The following PTPN4 variants were observed in gnomAD, a reference collection of about 807,000 sequenced individuals.
PTPN4 encodes the protein tyrosine-protein phosphatase non-receptor type 4.
Under a neutral mutation model 135.5 loss-of-function variants are expected in PTPN4, and 49 were observed. The ratio of observed to expected loss-of-function variants is 0.36; its 90% CI spans 0.29 to 0.46. PTPN4 has a LOEUF of 0.46. PTPN4 is among the 20% of genes least tolerant of loss of function. The probability of loss-of-function intolerance (pLI) is 1.00; values close to 1 mark genes in which losing one functional copy is unlikely to be tolerated. For synonymous variants in PTPN4, 333 were observed against 369.9 expected, an observed-to-expected ratio of 0.90 and a Z score of 1.14; for missense variants, 860 against 1,101.0, an observed-to-expected ratio of 0.78 and a Z score of 3.10.
intron 14 of PTPN4, among the ~76,000 whole-genome samples, chr2:119,933,881 A>G (rs4533476): frequency 0.73 from 111,417 of 151,984 alleles, 40,903 homozygotes; most frequent in East Asian, 0.83. Context: ...ATAAATGATT[A>G]CATATATTCA....
intron 1 of PTPN4, among the ~76,000 whole-genome samples, chr2:119,767,460 A>G (rs559957989): frequency 1.5e-4 from 23 of 152,356 alleles, no homozygotes; most frequent in Admixed American, 4.6e-4. Context: ...CAGGAAATCA[A>G]CGTTGATATA....
intron 10 of PTPN4, among the ~76,000 whole-genome samples, chr2:119,913,868 G>A (rs540177621): frequency 2.6e-5 from 4 of 152,088 alleles, no homozygotes; most frequent in South Asian, 2.1e-4. Context: ...CCAAAAAAAC[G>A]GTTATGGCTA....
At chr2:119,897,472 A>G (rs891773385) in intron 9 of PTPN4, among the ~76,000 whole-genome samples, 3 of 152,188 alleles carry the variant, frequency 2.0e-5, no homozygotes, top group South Asian at 2.1e-4. Flanking sequence ...TTCTATATCT[A>G]TATTGAGATA....
At chr2:119,762,112 A>G (rs1690517873) in intron 1 of PTPN4, among the ~76,000 whole-genome samples, 1 of 152,162 alleles carries the variant, frequency 6.6e-6, no homozygotes, top group South Asian at 2.1e-4. Context: ...GTACTTGCTA[A>G]AAATACTTTC....
intron 5 of PTPN4, 150 bp downstream of exon 5, chr2:119,877,692 T>C (rs1678005501): frequency 8.7e-7 from 1 of 1,149,290 alleles, no homozygotes; most frequent in Non-Finnish European, 1.2e-6. Context: ...CAAGATAACG[T>C]TTTCCTCCTT....
chr2:119,970,613 T>A (rs1679518096), intron 26 of PTPN4, among the ~76,000 whole-genome samples: 1 of 152,242 alleles, frequency 6.6e-6, no homozygotes, highest in Admixed American at 6.5e-5. Context: ...AAGGTTTATC[T>A]GTACTGCAGT....
intron 3 of PTPN4, among the ~76,000 whole-genome samples, chr2:119,875,087 A>G (rs1163599558): frequency 6.6e-6 from 1 of 152,008 alleles, no homozygotes; most frequent in Admixed American, 6.6e-5. Flanking sequence ...ATTCTTATTC[A>G]TTGCCTGTTT....
At chr2:119,781,339 A>T (rs139811924) in intron 1 of PTPN4, among the ~76,000 whole-genome samples, 220 of 152,300 alleles carry the variant, frequency 1.4e-3, no homozygotes, top group African/African-American at 4.7e-3. Context: ...TAAAAATGAG[A>T]TTAACCAATG....
At chr2:119,886,039 TAA>T (rs1678150930) in intron 9 of PTPN4, among the ~76,000 whole-genome samples, 157 bp downstream of exon 9, 1 of 152,176 alleles carries the variant, frequency 6.6e-6, no homozygotes, top group Non-Finnish European at 1.5e-5. Flanking sequence ...CACAATAACT[TAA>T]GATTCAATTC....
chr2:119,816,144 G>A (rs1676982752), intron 2 of PTPN4, among the ~76,000 whole-genome samples: 1 of 152,204 alleles, frequency 6.6e-6, no homozygotes, highest in Admixed American at 6.5e-5. Context: ...GGTATGGCCT[G>A]TTGCTCCTAG....
intron 13 of PTPN4, among the ~76,000 whole-genome samples, chr2:119,930,528 A>G (rs1361192783): frequency 6.6e-6 from 1 of 152,184 alleles, no homozygotes; most frequent in Non-Finnish European, 1.5e-5. Flanking sequence ...ATTTAGATAC[A>G]GAAACATAAG....
chr2:119,760,490 G>A, intron 1 of PTPN4, 106 bp downstream of exon 1: 1 of 388,228 alleles, frequency 2.6e-6, no homozygotes, highest in Non-Finnish European at 4.5e-6. Flanking sequence ...GGGGCAAGCC[G>A]GAGGTACGAG....
chr2:119,897,593 A>T (rs1359940816), intron 9 of PTPN4, among the ~76,000 whole-genome samples: 1 of 152,246 alleles, frequency 6.6e-6, no homozygotes, highest in African/African-American at 2.4e-5. Context: ...TATAATTACC[A>T]TATCAGTTAT....
chr2:119,805,424 G>A (rs566723575), intron 1 of PTPN4, among the ~76,000 whole-genome samples: 1 of 152,236 alleles, frequency 6.6e-6, no homozygotes, highest in Non-Finnish European at 1.5e-5. Context: ...ATGGTTTTAG[G>A]TCTAACATTT....
Position 119,948,726 on chromosome 2 carries a change from T to C in PTPN4, c.1656+2152T>C, listed in dbSNP as rs114496469. Among the ~76,000 whole-genome samples, 774 of 152,258 alleles carry C rather than the reference T, an allele frequency of 5.1e-3. 4 individuals are homozygous for C. Among genetic ancestry groups the C allele is most frequent in the African/African-American group, 0.018 (739 of 41,560 alleles). ...CAAGTTATATGTTGCTTTGTGTCTA[T>C]TGAGATGGTAATGTAACTATATAAA... is the stretch of plus-strand genomic sequence containing the variant. On this transcript the variant is annotated intron_variant, in intron 18 of 26. Coordinates refer to ENST00000263708, the MANE Select transcript of PTPN4 (RefSeq NM_002830.4).
At chr2:119,953,674 A>G (rs1679239665) in intron 19 of PTPN4, among the ~76,000 whole-genome samples, 1 of 152,184 alleles carries the variant, frequency 6.6e-6, no homozygotes, top group Admixed American at 6.5e-5. Context: ...ATATTAGCTA[A>G]TAGTTATTAA....
At chr2:119,938,082 C>G (rs10182854) in intron 15 of PTPN4, among the ~76,000 whole-genome samples, 1 of 151,224 alleles carries the variant, frequency 6.6e-6, no homozygotes, top group Non-Finnish European at 1.5e-5. Flanking sequence ...TCTTAACAAC[C>G]GAAAGTTAAC....
rs943380244 is a variant in PTPN4 at position 119,945,383 on chromosome 2, G to C, written c.1515+143G>C. 1.2e-5 allele frequency: 8 copies of C among 695,156 alleles called. No individual in the cohort carries two copies. The East Asian group carries it at 2.5e-4, about 22-fold the overall frequency. The allele number at this position is 695,156 out of a possible 1,614,324, so 43.1% of individuals were successfully genotyped here. Reference sequence around the variant, plus strand: ...TCATCATATTCTTTGGTCCTGAATTGTGCCATGATGTATCTCAATATAAGT... The same window carrying C: ...TCATCATATTCTTTGGTCCTGAATTCTGCCATGATGTATCTCAATATAAGT... On this transcript the variant is annotated intron_variant, in intron 16 of 26. Coordinates refer to ENST00000263708, the MANE Select transcript of PTPN4 (RefSeq NM_002830.4).
intron 2 of PTPN4, among the ~76,000 whole-genome samples, chr2:119,819,958 T>G (rs1041497670): frequency 3.9e-5 from 6 of 152,170 alleles, no homozygotes; most frequent in Non-Finnish European, 7.3e-5. Flanking sequence ...ACTCCTGGGC[T>G]CAAGGGAATC....
Sources: gnomAD v4.1 joint callset for allele counts (sites outside exome capture counted in the v4.1 genomes callset) on GRCh38, gnomAD v4.1.1 for gene constraint, MANE v1.5 for transcripts, NCBI Gene and HGNC (gene_info 2026-07-23, HGNC 2026-07-21) for gene names.